The following LCT variants were observed in gnomAD, a reference collection of about 807,000 sequenced individuals.
The protein encoded by LCT is lactase/phlorizin hydrolase.
In LCT, 90 loss-of-function variants were observed where a neutral mutation model predicts 173.0. The observed-to-expected ratio is 0.52, with a 90% confidence interval of 0.44 to 0.62. The LOEUF is 0.62. Among genes scored for constraint, LCT ranks in the 20% least tolerant of loss-of-function variants. The probability of loss-of-function intolerance (pLI) is 0.00; values close to 1 mark genes in which losing one functional copy is unlikely to be tolerated. For synonymous variants in LCT, 853 were observed against 957.6 expected, an observed-to-expected ratio of 0.89 and a Z score of 2.02; for missense variants, 1,864 against 2,431.4, an observed-to-expected ratio of 0.77 and a Z score of 4.91.
At chr2:135,796,054 T>C (rs2077579353) in intron 13 of LCT, among the ~76,000 whole-genome samples, 2 of 152,212 alleles carry the variant, frequency 1.3e-5, no homozygotes, top group South Asian at 4.1e-4. Flanking sequence ...CCTGGGAACT[T>C]TGGCTTCTTA....
At chr2:135,811,035 A>C (rs1285892291) in intron 7 of LCT, among the ~76,000 whole-genome samples, 1 of 151,722 alleles carries the variant, frequency 6.6e-6, no homozygotes, top group Non-Finnish European at 1.5e-5. Flanking sequence ...TCAAAAAAAA[A>C]AAAAGAAAAA....
intron 2 of LCT, among the ~76,000 whole-genome samples, 154 bp from the exon 3 acceptor site, chr2:135,829,830 AGTGT>A (rs60681905): frequency 4.1e-5 from 6 of 146,604 alleles, no homozygotes; most frequent in Admixed American, 2.7e-4. Flanking sequence ...GGAATGAGAA[AGTGT>A]GTGTGTGTGT....
chr2:135,809,900 C>G lies in LCT; in HGVS notation c.2447G>C (p.Gly816Ala). 6.2e-7 allele frequency: 1 copy of G among 1,614,168 alleles called. No homozygotes were observed. Among genetic ancestry groups the G allele is most frequent in the Non-Finnish European group, 8.5e-7 (1 of 1,180,036 alleles). The change falls in exon 8 of 17, where the codon GGC becomes GCC. Residue 816 changes from glycine (G) to alanine (A), a missense_variant. By Grantham distance (60) the Gly-to-Ala change is moderately conservative. This residue lies in a region of LCT where 755 missense variants were observed against 926.3 expected (regional missense o/e 0.82). Transcript: ENST00000264162. The surrounding 1 kb of genome is among the most constrained non-coding windows in gnomAD (Gnocchi z 5.5). ...EGPSGYSQRF[G>A]LHHVNFSDSS... Reference sequence around the variant, plus strand: ...GTCGCTGAAGTTGACGTGGTGCAGGCCAAACCGCTGGCTGTAACCAGAAGG... The same window carrying G: ...GTCGCTGAAGTTGACGTGGTGCAGGGCAAACCGCTGGCTGTAACCAGAAGG...
Position 135,787,915 on chromosome 2 carries a change from G to A in LCT, c.*409C>T. On this transcript the variant is annotated 3_prime_UTR_variant, in exon 17 of 17. Transcript: ENST00000264162. ...GAAGCTAGGGAGAGCTTGCAGAAGGGCAGGAGATGATATTGCAGTCTATGC... is the reference window on the plus strand; with the variant it reads ...GAAGCTAGGGAGAGCTTGCAGAAGGACAGGAGATGATATTGCAGTCTATGC... 4.7e-6 allele frequency: 1 copy of A among 213,680 alleles called. No homozygotes were observed. Among genetic ancestry groups the A allele is most frequent in the Non-Finnish European group, 9.6e-6 (1 of 104,202 alleles). The allele number at this position is 213,680 out of a possible 1,614,324, so 13.2% of individuals were successfully genotyped here.
At position 135,809,285 on chromosome 2, in the gene LCT, C is replaced by A; in HGVS notation, c.3062G>T (p.Trp1021Leu). 1.2e-6 allele frequency: 2 copies of A among 1,614,224 alleles called. No homozygotes were observed. The highest frequency in any genetic ancestry group is 1.1e-5 in the South Asian group (1 of 91,088). ...ATCCTGGAGGGCCTGGGGCAGGTCC[C>A]AATGGAACAATGTCACCATGGGAAA... ...NIFPMVTLFH[W>L]DLPQALQDIG... is the part of the protein sequence containing the mutation. Residue 1021 changes from tryptophan (W) to leucine (L), a missense_variant, in exon 8 of 17, where the codon TGG (tryptophan) becomes TTG (leucine). Transcript: ENST00000264162. The surrounding 1 kb of genome is among the most constrained non-coding windows in gnomAD (Gnocchi z 5.5).
Position 135,810,008 on chromosome 2 carries a change from A to G in LCT, c.2354-15T>C, listed in dbSNP as rs2077721527. ...TTCCTTGATAGCTGTGAAGAAAAAT[A>G]AAAATTAGATTTATTTATTTATGGA... On this transcript the variant is annotated splice_polypyrimidine_tract_variant and intron_variant, in intron 7 of 16. Coordinates refer to ENST00000264162, the MANE Select transcript of LCT (RefSeq NM_002299.4). The G allele has an allele frequency of 1.3e-6, 2 of 1,515,798 alleles. No homozygotes were observed. Among genetic ancestry groups the G allele is most frequent in the South Asian group, 2.3e-5 (2 of 88,646 alleles). 93.9% of individuals were successfully genotyped at this position (1,515,798 alleles called of 1,614,324 possible). A position where few individuals can be genotyped will look rare whatever the true frequency, so the allele number is the denominator to read the frequency against.
In LCT at chr2:135,798,030, G is replaced by A. The variant is rs748953990; in HGVS notation, c.4975C>T (p.Arg1659Trp). The change falls in exon 13 of 17, where the codon CGG becomes TGG. Residue 1659 changes from arginine to tryptophan, a missense_variant and splice_region_variant. Around this residue, in one of 4 missense-constraint regions of LCT, gnomAD observed 514 missense variants for 750.1 expected, o/e 0.69. Transcript: ENST00000264162. ...CCACTGCGGGCACCAGGCCCTTACC[G>A]AGACTTGTTGAGGCCTGCAGCCAAG... ...RSLAAGLNKS[R>W]LPEFTESEKR... The A allele has an allele frequency of 3.2e-6, 5 of 1,586,098 alleles. No individual in the cohort carries two copies. The highest frequency in any genetic ancestry group is 1.7e-5 in the Admixed American group (1 of 59,994).
Position 135,803,641 on chromosome 2 carries a change from G to A in LCT, c.4663+289C>T, listed in dbSNP as rs181420590. On this transcript the variant is annotated intron_variant, in intron 11 of 16. Transcript: ENST00000264162. ...GTAGACCTGTACAGCCTGACAAACT[G>A]TCCTTCCCCACATCAATTTGCCCAC... Among the ~76,000 whole-genome samples, 17 of 152,366 alleles carry A rather than the reference G, an allele frequency of 1.1e-4. No homozygotes were observed. In the East Asian group the frequency reaches 2.5e-3, roughly 22 times the overall value.
Position 135,797,914 on chromosome 2 carries a change from T to C in LCT, c.4976+115A>G, listed in dbSNP as rs1807356. 156,931 of 745,254 alleles carry C rather than the reference T, an allele frequency of 0.21. 22,220 individuals carry two copies. Among genetic ancestry groups the C allele is most frequent in the African/African-American group, 0.48 (28,274 of 58,446 alleles). 46.2% of individuals were successfully genotyped at this position (745,254 alleles called of 1,614,324 possible). A position where few individuals can be genotyped will look rare whatever the true frequency, so the allele number is the denominator to read the frequency against. On this transcript the variant is annotated intron_variant, in intron 13 of 16. Coordinates refer to ENST00000264162, the MANE Select transcript of LCT (RefSeq NM_002299.4). ...GGTGCTGGGCTAAGCTTTACATATATGATCACATGTAACTTCCCAGCAAGC... is the reference window on the plus strand; with the variant it reads ...GGTGCTGGGCTAAGCTTTACATATACGATCACATGTAACTTCCCAGCAAGC...
chr2:135,812,485 C>T lies in LCT; in HGVS notation c.2179G>A (p.Val727Met), dbSNP rs781500240. ...WPQTSSSWIR[V>M]VPWGIRRLLQ... ...AGCCTCCTTATCCCCCAGGGCACCA[C>T]ACGAATCCAAGAGGATGAGGTCTGG... The change falls in exon 7 of 17, where the codon GTG becomes ATG. Residue 727 changes from valine (V) to methionine (M), a missense_variant. By Grantham distance (21) the Val-to-Met change is conservative. Transcript: ENST00000264162. The T allele has an allele frequency of 3.1e-6, 5 of 1,614,248 alleles. No individual in the cohort carries two copies. The highest frequency in any genetic ancestry group is 4.2e-6 in the Non-Finnish European group (5 of 1,180,050).
intron 10 of LCT, 43 bp downstream of exon 10, chr2:135,804,724 C>T (rs2077654561): frequency 6.3e-7 from 1 of 1,586,066 alleles, no homozygotes; most frequent in Admixed American, 1.7e-5. Flanking sequence ...CTGCTGGTTC[C>T]TGCATGTGGA....
chr2:135,807,806 CA>C (rs34014625), intron 8 of LCT, among the ~76,000 whole-genome samples: 142,809 of 145,854 alleles, frequency 0.98, 69,938 homozygotes, highest in South Asian at 1. Flanking sequence ...GAGACTGTCT[CA>C]AAAAAAAAAA....
chr2:135,791,587 C>T (rs2077533529), intron 14 of LCT, among the ~76,000 whole-genome samples: 1 of 152,204 alleles, frequency 6.6e-6, no homozygotes, highest in Admixed American at 6.5e-5. Flanking sequence ...GTTTTATCAG[C>T]ACCTGGATTT....
chr2:135,810,159 A>G (rs2077722823), intron 7 of LCT, 166 bp from the exon 8 acceptor site: 1 of 612,944 alleles, frequency 1.6e-6, no homozygotes, highest in Admixed American at 2.9e-5. Flanking sequence ...TATTTTATTT[A>G]TTTATCTTTT....
Position 135,790,572 on chromosome 2 carries a change from C to G in LCT, c.5335+86G>C. ...CTTATCGTTCTCTTCTTACTGTGGC[C>G]CAAGGACGCTGTATCACACTCCTGC... On this transcript the variant is annotated intron_variant, in intron 15 of 16. Transcript: ENST00000264162. This position sits in a 1 kb window ranked among gnomAD's most constrained non-coding sequence, Gnocchi z 4.1. The G allele has an allele frequency of 1.2e-6, 1 of 868,344 alleles. No homozygotes were observed. Among genetic ancestry groups the G allele is most frequent in the Admixed American group, 1.9e-5 (1 of 52,306 alleles). The allele number at this position is 868,344 out of a possible 1,614,324, so 53.8% of individuals were successfully genotyped here.
chr2:135,799,841 C>T (rs898198812), intron 12 of LCT, among the ~76,000 whole-genome samples: 4 of 152,294 alleles, frequency 2.6e-5, no homozygotes, highest in Middle Eastern at 6.8e-3. Flanking sequence ...ATTAGGGGCA[C>T]TAATGAGTTT....
intron 2 of LCT, 39 bp from the exon 3 acceptor site, chr2:135,829,715 C>T: frequency 7.4e-7 from 1 of 1,354,634 alleles, no homozygotes; most frequent in South Asian, 1.2e-5. Flanking sequence ...AGAACCTAAG[C>T]ACTGTCAAGA....
intron 11 of LCT, among the ~76,000 whole-genome samples, chr2:135,801,396 T>A (rs962943507): frequency 6.6e-6 from 1 of 152,066 alleles, no homozygotes; most frequent in Non-Finnish European, 1.5e-5. Context: ...AAGGACTATA[T>A]GTACAAATGA....
chr2:135,810,726 T>C (rs976083278), intron 7 of LCT, among the ~76,000 whole-genome samples: 3 of 40,828 alleles, frequency 7.3e-5, no homozygotes, highest in African/African-American at 1.8e-4. Context: ...TCTGTCTCTA[T>C]TGAAAAAAAA....
Sources: gnomAD v4.1 joint callset for allele counts (sites outside exome capture counted in the v4.1 genomes callset) on GRCh38, gnomAD v4.1.1 for gene constraint, gnomAD v4.1.1 regional missense constraint, Gnocchi (gnomAD v3.1) non-coding constraint, MANE v1.5 for transcripts, NCBI Gene and HGNC (gene_info 2026-07-23, HGNC 2026-07-21) for gene names.